PPP4R3B: variants seen among roughly 807,000 people sequenced by gnomAD.
The protein encoded by PPP4R3B is protein phosphatase 4 regulatory subunit 3B, also known as serine/threonine-protein phosphatase 4 regulatory subunit 3B.
A neutral mutation model predicts 95.4 loss-of-function variants in PPP4R3B; 52 were observed. The ratio of observed to expected loss-of-function variants is 0.54; its 90% CI spans 0.44 to 0.69. The LOEUF (loss-of-function observed/expected upper bound fraction) is 0.69. PPP4R3B is among the 30% of genes least tolerant of loss of function. PPP4R3B has a pLI of 0.00. For missense variants in PPP4R3B, 1,003 were observed against 1,005.9 expected (o/e 1.00, Z 0.04); for synonymous variants, 407 against 343.9 (o/e 1.18, Z -2.03).
intron 2 of PPP4R3B, chr2:55,614,253 T>A (rs1694595253): frequency 6.6e-6 from 1 of 152,136 alleles, no homozygotes; most frequent in Non-Finnish European, 1.5e-5. Context: ...AACCTTGAAG[T>A]GGGCACTGAC....
intron 2 of PPP4R3B, among the ~76,000 whole-genome samples, chr2:55,608,422 G>C (rs1036446664): frequency 6.6e-6 from 1 of 152,166 alleles, no homozygotes. Flanking sequence ...AACAGTCAAC[G>C]GTTACTGATC....
At chr2:55,598,251 A>G (rs1211438266) in intron 4 of PPP4R3B, among the ~76,000 whole-genome samples, 165 bp downstream of exon 4, 1 of 152,234 alleles carries the variant, frequency 6.6e-6, no homozygotes, top group Non-Finnish European at 1.5e-5. Context: ...CACTAAAACC[A>G]CAAGACATAA....
intron 1 of PPP4R3B, among the ~76,000 whole-genome samples, chr2:55,615,860 A>G (rs1362996904): frequency 7.8e-6 from 1 of 127,780 alleles, no homozygotes; most frequent in Non-Finnish European, 1.7e-5. Flanking sequence ...CTGTCTCCAA[A>G]AAAAAAAAAA....
At chr2:55,599,183 A>G in intron 3 of PPP4R3B, 144 bp from the exon 4 acceptor site, 1 of 758,230 alleles carries the variant, frequency 1.3e-6, no homozygotes, top group Non-Finnish European at 2.1e-6. Flanking sequence ...CACGCCTGTA[A>G]TCCCAGCACT....
At chr2:55,580,158 G>A (rs541293639) in intron 8 of PPP4R3B, among the ~76,000 whole-genome samples, 11 of 152,242 alleles carry the variant, frequency 7.2e-5, no homozygotes, top group African/African-American at 2.6e-4. Context: ...GAAACGCAGT[G>A]AAGAACCAAT....
chr2:55,582,594 C>A (rs1184607245), intron 7 of PPP4R3B, among the ~76,000 whole-genome samples: 1 of 152,170 alleles, frequency 6.6e-6, no homozygotes, highest in Non-Finnish European at 1.5e-5. Flanking sequence ...TGGCATTTGA[C>A]AGCCACTATC....
chr2:55,591,632 T>G, intron 4 of PPP4R3B: 1 of 984,862 alleles, frequency 1.0e-6, no homozygotes, highest in Non-Finnish European at 1.2e-6. Context: ...AACTCCTTGA[T>G]AAATGCAATT....
In PPP4R3B at chr2:55,549,930, C is replaced by G; in HGVS notation, c.2531G>C (p.Arg844Thr). ...AATATTTTATGAGCCAAGACGAGGT[C>G]TTTTCCTGGGGGACGATTCTTCTTC... The part of the protein sequence containing the change: ...DEEEESSPRK[R>T]PRLGS Residue 844 changes from arginine (R) to threonine (T), a missense_variant, in exon 17 of 17, where the codon AGA becomes ACA. Coordinates refer to ENST00000616407, the MANE Select transcript of PPP4R3B (RefSeq NM_001122964.3). 6.2e-7 allele frequency: 1 copy of G among 1,613,696 alleles called. No homozygotes were observed. Among genetic ancestry groups the G allele is most frequent in the Non-Finnish European group, 8.5e-7 (1 of 1,179,774 alleles).
At chr2:55,561,055 GT>G (rs1686543749) in intron 15 of PPP4R3B, among the ~76,000 whole-genome samples, 1 of 152,130 alleles carries the variant, frequency 6.6e-6, no homozygotes, top group Non-Finnish European at 1.5e-5. Context: ...GGGAAAAATG[GT>G]TTTGTGAGCT....
chr2:55,598,213 C>G (rs977052037), intron 4 of PPP4R3B, among the ~76,000 whole-genome samples: 1 of 152,016 alleles, frequency 6.6e-6, no homozygotes, highest in South Asian at 2.1e-4. Flanking sequence ...GAACGAGACT[C>G]CGACTCAAAA....
At chr2:55,575,349 A>AT (rs896093876) in intron 11 of PPP4R3B, among the ~76,000 whole-genome samples, 31 of 152,310 alleles carry the variant, frequency 2.0e-4, no homozygotes, top group African/African-American at 7.5e-4. Flanking sequence ...TCATGAAATG[A>AT]TTTTGAACTG....
chr2:55,599,125 G>T, intron 3 of PPP4R3B, 86 bp from the exon 4 acceptor site: 1 of 1,225,852 alleles, frequency 8.2e-7, no homozygotes, highest in Non-Finnish European at 1.1e-6. Flanking sequence ...GAAATGCCTG[G>T]CTAGTCACTA....
At chr2:55,593,697 G>T (rs1691349829) in intron 4 of PPP4R3B, among the ~76,000 whole-genome samples, 1 of 152,028 alleles carries the variant, frequency 6.6e-6, no homozygotes, top group African/African-American at 2.4e-5. Context: ...TTGAGGCCAG[G>T]TAAGAACAGT....
Position 55,577,310 on chromosome 2 carries a change from CT to C in PPP4R3B, c.1606+4del, listed in dbSNP as rs2104160160. 1 of 1,551,236 alleles carries C rather than the reference CT, an allele frequency of 6.4e-7. No homozygotes were observed. The highest frequency in any genetic ancestry group is 8.7e-7 in the Non-Finnish European group (1 of 1,155,008). ...TGTATTCATAAAGTATGAATTCATACTTACCGGGACAAATTGTGTTGTTTTT... is the reference window on the plus strand; with the variant it reads ...TGTATTCATAAAGTATGAATTCATACTACCGGGACAAATTGTGTTGTTTTT... On this transcript the variant is annotated splice_donor_region_variant and intron_variant, in intron 11 of 16. Coordinates refer to ENST00000616407, the MANE Select transcript of PPP4R3B (RefSeq NM_001122964.3).
intron 6 of PPP4R3B, among the ~76,000 whole-genome samples, 171 bp downstream of exon 6, chr2:55,586,447 T>G (rs1690161889): frequency 6.6e-6 from 1 of 152,200 alleles, no homozygotes; most frequent in Non-Finnish European, 1.5e-5. Flanking sequence ...AGTGATTACA[T>G]ACTGATATTA....
At chr2:55,576,513 C>A (rs1260304763) in intron 11 of PPP4R3B, among the ~76,000 whole-genome samples, 1 of 151,768 alleles carries the variant, frequency 6.6e-6, no homozygotes, top group Non-Finnish European at 1.5e-5. Context: ...GAGGCCGAGG[C>A]GGGTGGATCA....
rs575067867 is a variant in PPP4R3B, at chr2:55,597,284, C to T, written c.921+1132G>A. The stretch of plus-strand genomic sequence containing the variant: ...GGTGGATCACCTCAGGTTGGGAGTT[C>T]GAGACCAGCCTGACCAACATGGAGA... On this transcript the variant is annotated intron_variant, in intron 4 of 16. Coordinates refer to ENST00000616407, the MANE Select transcript of PPP4R3B (RefSeq NM_001122964.3). 9.9e-5 allele frequency among the ~76,000 whole-genome samples: 15 copies of T among 151,786 alleles called. No individual in the cohort carries two copies. The South Asian group carries it at 1.0e-3, about 11-fold the overall frequency.
chr2:55,573,051 A>G (rs1309646527), intron 12 of PPP4R3B, among the ~76,000 whole-genome samples: 1 of 152,210 alleles, frequency 6.6e-6, no homozygotes, highest in Non-Finnish European at 1.5e-5. Context: ...AAAAGAAATA[A>G]TGCAGACAGT....
chr2:55,579,065 C>T (rs1689086738), intron 9 of PPP4R3B, among the ~76,000 whole-genome samples: 1 of 152,022 alleles, frequency 6.6e-6, no homozygotes, highest in Admixed American at 6.5e-5. Context: ...GAGGGATATA[C>T]TAAAACCAAA....
Sources: allele counts gnomAD v4.1 joint callset (sites outside exome capture counted in the v4.1 genomes callset), GRCh38; gene constraint gnomAD v4.1.1; transcripts MANE v1.5; gene names NCBI Gene and HGNC (gene_info 2026-07-23, HGNC 2026-07-21).